The following INPP4B variants were observed in gnomAD, a reference collection of about 807,000 sequenced individuals.
The protein encoded by INPP4B is inositol polyphosphate-4-phosphatase type II B, also known as inositol polyphosphate 4-phosphatase type II.
Under a neutral mutation model 122.5 loss-of-function variants are expected in INPP4B, and 55 were observed. The observed-to-expected ratio is 0.45, with a 90% CI of 0.36 to 0.56. The LOEUF (loss-of-function observed/expected upper bound fraction) is 0.56, where lower values mean the gene tolerates loss of function less well. INPP4B is among the 20% of genes least tolerant of loss of function. The pLI, the probability that INPP4B is intolerant of heterozygous loss-of-function variation, is 0.00. For synonymous variants in INPP4B, 403 were observed against 388.7 expected (o/e 1.04, Z -0.43); for missense variants, 1,000 against 1,097.7 (o/e 0.91, Z 1.26).
chr4:142,779,221 CA>C (rs1161593276), intron 1 of INPP4B, among the ~76,000 whole-genome samples: 1 of 151,868 alleles, frequency 6.6e-6, no homozygotes, highest in Non-Finnish European at 1.5e-5. Context: ...ATGCCAGTAA[CA>C]AGTACTAAAA....
intron 2 of INPP4B, among the ~76,000 whole-genome samples, chr4:142,691,856 C>G (rs1424336384): frequency 6.6e-6 from 1 of 152,194 alleles, no homozygotes; most frequent in African/African-American, 2.4e-5. Context: ...GAGTCTGCCA[C>G]TGACCATGTT....
chr4:142,276,787 G>A (rs1451008670), intron 9 of INPP4B, among the ~76,000 whole-genome samples: 1 of 151,772 alleles, frequency 6.6e-6, no homozygotes, highest in Non-Finnish European at 1.5e-5. Context: ...GCTATAAACA[G>A]TACTCTCCAA....
chr4:142,262,390 C>T (rs1300024014), intron 10 of INPP4B, among the ~76,000 whole-genome samples: 1 of 152,146 alleles, frequency 6.6e-6, no homozygotes, highest in East Asian at 1.9e-4. Flanking sequence ...TTTGCTCTTG[C>T]TATTGATGTT....
intron 5 of INPP4B, chr4:142,427,062 G>A (rs925551677): frequency 6.6e-6 from 1 of 152,394 alleles, no homozygotes; most frequent in Admixed American, 6.6e-5. Flanking sequence ...ACAATAATAG[G>A]TGACGTCGGA....
intron 2 of INPP4B, among the ~76,000 whole-genome samples, chr4:142,594,504 C>T (rs956854432): frequency 6.6e-6 from 1 of 152,144 alleles, no homozygotes; most frequent in Non-Finnish European, 1.5e-5. Context: ...AGAGAGAAAG[C>T]AGCTTGCTCC....
intron 2 of INPP4B, among the ~76,000 whole-genome samples, chr4:142,555,125 A>C (rs1728860799): frequency 6.6e-6 from 1 of 152,198 alleles, no homozygotes; most frequent in Non-Finnish European, 1.5e-5. Context: ...GAAGAATCCA[A>C]ATATCAGCCT....
At chr4:142,285,027 G>C (rs1372255954) in intron 9 of INPP4B, among the ~76,000 whole-genome samples, 1 of 152,076 alleles carries the variant, frequency 6.6e-6, no homozygotes, top group Non-Finnish European at 1.5e-5. Context: ...GTGGATGTGG[G>C]GGAGGGGCTG....
At chr4:142,396,222 AG>A (rs1363564737) in intron 7 of INPP4B, among the ~76,000 whole-genome samples, 4 of 152,196 alleles carry the variant, frequency 2.6e-5, no homozygotes, top group African/African-American at 9.6e-5. Flanking sequence ...ATACAACAAA[AG>A]CACTTGTATC....
intron 25 of INPP4B, among the ~76,000 whole-genome samples, chr4:142,079,503 C>A (rs1395533039): frequency 6.6e-6 from 1 of 152,036 alleles, no homozygotes; most frequent in Non-Finnish European, 1.5e-5. Context: ...AGTAATCAAT[C>A]AGCATTAAGC....
chr4:142,636,857 A>G (rs1580577106), intron 2 of INPP4B, among the ~76,000 whole-genome samples: 1 of 152,176 alleles, frequency 6.6e-6, no homozygotes, highest in South Asian at 2.1e-4. Flanking sequence ...AAATTTTTAT[A>G]AAATTACTTG....
intron 2 of INPP4B, among the ~76,000 whole-genome samples, chr4:142,711,859 C>T (rs1358807602): frequency 1.3e-5 from 2 of 152,002 alleles, no homozygotes; most frequent in African/African-American, 2.4e-5. Context: ...ACCAGCCTGG[C>T]CAAAATGGCA....
At chr4:142,598,487 C>A (rs1215903439) in intron 2 of INPP4B, among the ~76,000 whole-genome samples, 1 of 152,094 alleles carries the variant, frequency 6.6e-6, no homozygotes, top group Non-Finnish European at 1.5e-5. Context: ...TCCTGTAAGT[C>A]CCCATTGACA....
At chr4:142,185,930 C>G (rs1833022985) in intron 15 of INPP4B, among the ~76,000 whole-genome samples, 1 of 145,088 alleles carries the variant, frequency 6.9e-6, no homozygotes, top group Admixed American at 6.8e-5. Context: ...TGTAGTTATA[C>G]TAAATGTAGG....
intron 7 of INPP4B, among the ~76,000 whole-genome samples, chr4:142,315,322 C>A (rs1330147872): frequency 6.6e-6 from 1 of 152,068 alleles, no homozygotes; most frequent in African/African-American, 2.4e-5. Context: ...CTTGAGAATT[C>A]TGGGCCAAAT....
intron 7 of INPP4B, among the ~76,000 whole-genome samples, chr4:142,350,228 G>GT: frequency 6.6e-6 from 1 of 152,050 alleles, no homozygotes; most frequent in East Asian, 1.9e-4. Flanking sequence ...AGAACATATT[G>GT]TATGTCCTTG....
chr4:142,279,015 C>T (rs1749949290), intron 9 of INPP4B, among the ~76,000 whole-genome samples: 1 of 151,760 alleles, frequency 6.6e-6, no homozygotes, highest in African/African-American at 2.4e-5. Context: ...AAATATCTGG[C>T]AATGAACAAT....
intron 12 of INPP4B, among the ~76,000 whole-genome samples, chr4:142,216,938 A>G (rs13107751): frequency 0.094 from 14,362 of 152,224 alleles, 906 homozygotes; most frequent in South Asian, 0.21. Flanking sequence ...TTAAACAGAT[A>G]AGTATTTTTT....
At chr4:142,268,830 G>A (rs1314134504) in intron 10 of INPP4B, among the ~76,000 whole-genome samples, 1 of 152,104 alleles carries the variant, frequency 6.6e-6, no homozygotes, top group East Asian at 1.9e-4. Context: ...CACTATGTCG[G>A]AAGGAAAGTT....
At chr4:142,689,094 A>G (rs908451823) in intron 2 of INPP4B, among the ~76,000 whole-genome samples, 1 of 152,198 alleles carries the variant, frequency 6.6e-6, no homozygotes, top group African/African-American at 2.4e-5. Context: ...TTAAGTAATA[A>G]TAAAACTCTG....
Sources: gnomAD v4.1 joint callset for allele counts (sites outside exome capture counted in the v4.1 genomes callset) on GRCh38, gnomAD v4.1.1 for gene constraint, MANE v1.5 for transcripts, NCBI Gene and HGNC (gene_info 2026-07-23, HGNC 2026-07-21) for gene names.